Variants in UBR4 observed in about 807,000 individuals in gnomAD.
UBR4 encodes the protein E3 ubiquitin-protein ligase UBR4.
Under a neutral mutation model 575.6 loss-of-function variants are expected in UBR4, and 124 were observed. The ratio of observed to expected loss-of-function variants is 0.22; its 90% CI spans 0.19 to 0.25. The LOEUF (loss-of-function observed/expected upper bound fraction) is 0.25. Among genes scored for constraint, UBR4 ranks in the 10% least tolerant of loss-of-function variants. UBR4 has a pLI of 1.00. For synonymous variants in UBR4, 2,455 were observed against 2,473.7 expected, an observed-to-expected ratio of 0.99 and a Z score of 0.22; for missense variants, 4,818 against 6,478.8, an observed-to-expected ratio of 0.74 and a Z score of 8.80.
In UBR4 at chr1:19,074,871, T is replaced by C. The variant is rs1469433234; in HGVS notation, c.15513A>G (p.Pro5171=). The change falls in exon 106 of 106, where the codon CCA becomes CCG. Residue 5171 remains proline (P), a synonymous_variant. Transcript: ENST00000375254. ...TCAACAGGTCCTTCAGGAAGCTCTC[T>C]GGATCGGTGATTTCTGATAAAAGAC... ...VAGLLSEITD[P]ESFLKDLLNS... The C allele has an allele frequency of 1.2e-6, 2 of 1,613,972 alleles. No homozygotes were observed. The highest frequency in any genetic ancestry group is 1.7e-6 in the Non-Finnish European group (2 of 1,179,978).
chr1:19,192,384 G>A lies in UBR4; in HGVS notation c.1204-6C>T. The A allele has an allele frequency of 6.2e-7, 1 of 1,614,064 alleles. No individual in the cohort carries two copies. The highest frequency in any genetic ancestry group is 1.1e-5 in the South Asian group (1 of 91,082). On this transcript the variant is annotated splice_region_variant and splice_polypyrimidine_tract_variant and intron_variant, in intron 10 of 105. Coordinates refer to ENST00000375254, the MANE Select transcript of UBR4 (RefSeq NM_020765.3). The stretch of plus-strand genomic sequence containing the variant: ...AATTGGAAATTCTGATAGTGCTGTT[G>A]TGAAAGGCACAAAATAAAAAACATA...
intron 60 of UBR4, among the ~76,000 whole-genome samples, chr1:19,134,979 CTTT>C (rs1032064348): frequency 1.3e-5 from 2 of 151,860 alleles, no homozygotes; most frequent in Admixed American, 1.3e-4. Context: ...CCTTTTAATG[CTTT>C]TGTGTCCTAT....
At chr1:19,172,307 A>G (rs139163924) in intron 25 of UBR4, among the ~76,000 whole-genome samples, 2,728 of 152,234 alleles carry the variant, frequency 0.018, 82 homozygotes, top group African/African-American at 0.062. Flanking sequence ...ACCTGAGGTT[A>G]GGAATTCAAG....
intron 105 of UBR4, chr1:19,075,104 G>C: frequency 1.7e-6 from 1 of 598,550 alleles, no homozygotes; most frequent in Non-Finnish European, 3.0e-6. Flanking sequence ...AGCAGGCACT[G>C]CTGGAAGGTG....
chr1:19,136,036 T>C (rs2083165899), intron 60 of UBR4, among the ~76,000 whole-genome samples: 3 of 152,152 alleles, frequency 2.0e-5, no homozygotes, highest in African/African-American at 7.2e-5. Context: ...AATAACAGAA[T>C]ACCATTTTCA....
chr1:19,190,558 T>C (rs375230931), intron 11 of UBR4, among the ~76,000 whole-genome samples: 1 of 151,918 alleles, frequency 6.6e-6, no homozygotes. Flanking sequence ...GCATGGCCAA[T>C]ATTACGTTTT....
intron 74 of UBR4, 32 bp downstream of exon 74, chr1:19,115,366 A>G (rs1446170659): frequency 1.9e-6 from 3 of 1,606,546 alleles, no homozygotes; most frequent in Non-Finnish European, 2.6e-6. Flanking sequence ...GAATGTGCAC[A>G]GCCCTGGCCT....
intron 1 of UBR4, among the ~76,000 whole-genome samples, chr1:19,204,526 A>AT (rs1195394733): frequency 7.1e-6 from 1 of 141,160 alleles, no homozygotes; most frequent in Non-Finnish European, 1.6e-5. Flanking sequence ...AATGAAATAT[A>AT]TAAAAAAAAA....
chr1:19,093,323 T>C lies in UBR4; in HGVS notation c.14101A>G (p.Ser4701Gly), dbSNP rs540620843. ...GGGAGGGCTTCATACTTCTTGGCGC[T>C]AGGGATGTGCTTTTTCATGTAGTCA... ...ALDYMKKHIPSAKNLDADIWK... is the reference protein window; with the variant it reads ...ALDYMKKHIPGAKNLDADIWK... The change falls in exon 96 of 106, where the codon AGC becomes GGC. Residue 4701 changes from serine (S) to glycine (G), a missense_variant. Transcript: ENST00000375254. The surrounding 1 kb of genome is among the most constrained non-coding windows in gnomAD (Gnocchi z 4.8). The C allele has an allele frequency of 2.3e-4, 375 of 1,613,778 alleles. 3 individuals are homozygous for C. In the South Asian group the frequency reaches 3.8e-3, roughly 17 times the overall value.
At chr1:19,184,508 T>C (rs949837280) in intron 15 of UBR4, among the ~76,000 whole-genome samples, 1 of 152,234 alleles carries the variant, frequency 6.6e-6, no homozygotes, top group Non-Finnish European at 1.5e-5. Context: ...TACTGATATA[T>C]TCAATCCTGA....
intron 60 of UBR4, among the ~76,000 whole-genome samples, chr1:19,132,859 C>A (rs1210373409): frequency 6.6e-6 from 1 of 151,922 alleles, no homozygotes; most frequent in Non-Finnish European, 1.5e-5. Context: ...GTAAAACTGA[C>A]AACTTTAATA....
Position 19,150,460 on chromosome 1 carries a change from A to T in UBR4, c.7430+117T>A. The T allele has an allele frequency of 2.5e-6, 3 of 1,220,602 alleles. No individual in the cohort carries two copies. In the South Asian group the frequency reaches 4.2e-5, roughly 17 times the overall value. The allele number at this position is 1,220,602 out of a possible 1,614,324, so 75.6% of individuals were successfully genotyped here. On this transcript the variant is annotated intron_variant, in intron 49 of 105. Coordinates refer to ENST00000375254, the MANE Select transcript of UBR4 (RefSeq NM_020765.3). ...TGGGCGAGTTGTATGAAAACTTAAA[A>T]AAATTCCAGGCTAGCCTTGAGATGG...
rs368765367 is a variant in UBR4 at position 19,129,088 on chromosome 1, G to T, written c.8907-14C>A. On this transcript the variant is annotated splice_polypyrimidine_tract_variant and intron_variant, in intron 60 of 105. Coordinates refer to ENST00000375254, the MANE Select transcript of UBR4 (RefSeq NM_020765.3). ...ACCATGTGCAGCCTAAAAGGGTGGGGAAAAGATAGAAAATATGAGCTGTAC... is the reference window on the plus strand; with the variant it reads ...ACCATGTGCAGCCTAAAAGGGTGGGTAAAAGATAGAAAATATGAGCTGTAC... 1.2e-6 allele frequency: 2 copies of T among 1,609,226 alleles called. No individual in the cohort carries two copies. The highest frequency in any genetic ancestry group is 2.7e-5 in the African/African-American group (2 of 74,762).
At position 19,084,521 on chromosome 1, in the gene UBR4, C is replaced by G. The variant is rs1371086279; in HGVS notation, c.14991G>C (p.Val4997=). 6.2e-7 allele frequency: 1 copy of G among 1,612,894 alleles called. No homozygotes were observed. The highest frequency in any genetic ancestry group is 8.5e-7 in the Non-Finnish European group (1 of 1,179,320). ...IHLIPYIIHT[V]LYVLNTTRAT... ...GTACTGACGTGTTCAGGACGTAAAG[C>G]ACAGTGTGAATGATGTACGGGATCA... Residue 4997 remains valine (V), a synonymous_variant, in exon 102 of 106, where the codon GTG becomes GTC. Coordinates refer to ENST00000375254, the MANE Select transcript of UBR4 (RefSeq NM_020765.3).
rs1046333082 is a variant in UBR4, at chr1:19,106,798, C to T, written c.12235+39G>A. On this transcript the variant is annotated intron_variant, in intron 82 of 105. Transcript: ENST00000375254. ...GACAGAAGGCAGGGCTGTCAGAGCG[C>T]AGGCAGGACTTCCCGGCGTCTTGAA... is the stretch of plus-strand genomic sequence containing the variant. 3 of 1,606,446 alleles carry T rather than the reference C, an allele frequency of 1.9e-6. No homozygotes were observed. The African/African-American group carries it at 4.0e-5, about 21-fold the overall frequency.
In UBR4 at chr1:19,114,017, C is replaced by T. The variant is rs77418490; in HGVS notation, c.11256G>A (p.Gln3752=). The change falls in exon 76 of 106, where the codon CAG becomes CAA. Residue 3752 remains glutamine (Q), a synonymous_variant. Coordinates refer to ENST00000375254, the MANE Select transcript of UBR4 (RefSeq NM_020765.3). ...CCAGCTGTGGCCGGTGTCCCATCAGCTGATGATACACTCGATCAGCTTTGT... is the reference window on the plus strand; with the variant it reads ...CCAGCTGTGGCCGGTGTCCCATCAGTTGATGATACACTCGATCAGCTTTGT... The part of the protein sequence containing the change: ...LLDKADRVYH[Q]LMGHRPQLEN... 5.5e-3 allele frequency: 8,856 copies of T among 1,614,220 alleles called. 39 individuals are homozygous for T. The highest frequency in any genetic ancestry group is 6.4e-3 in the Non-Finnish European group (7,545 of 1,180,048).
chr1:19,168,166 C>A lies in UBR4; in HGVS notation c.3760G>T (p.Asp1254Tyr). ...IGSWRNAFAN[D>Y]TIPSESYISA... is the part of the protein sequence containing the mutation. ...ATATAACTCTCTGAAGGGATGGTGTCATTGGCAAAGGCATTGCGCTGAAAG... is the reference window on the plus strand; with the variant it reads ...ATATAACTCTCTGAAGGGATGGTGTAATTGGCAAAGGCATTGCGCTGAAAG... Residue 1254 changes from aspartate to tyrosine, a missense_variant, in exon 28 of 106, where the codon GAC (aspartate) becomes TAC (tyrosine). Asp to Tyr is a radical substitution (Grantham distance 160, BLOSUM62 -3). Transcript: ENST00000375254. 6.3e-7 allele frequency: 1 copy of A among 1,587,916 alleles called. No homozygotes were observed. Among genetic ancestry groups the A allele is most frequent in the South Asian group, 1.1e-5 (1 of 88,852 alleles).
At chr1:19,116,930 A>C (rs1340096128) in intron 73 of UBR4, among the ~76,000 whole-genome samples, 1 of 152,216 alleles carries the variant, frequency 6.6e-6, no homozygotes, top group Admixed American at 6.5e-5. Context: ...AATAGTTAAA[A>C]TGGGCATGAG....
chr1:19,148,532 A>T, intron 50 of UBR4, 31 bp downstream of exon 50: 1 of 1,614,132 alleles, frequency 6.2e-7, no homozygotes, highest in South Asian at 1.1e-5. Flanking sequence ...CTCTTCAGAA[A>T]GCTTCCATGT....
Sources: allele counts gnomAD v4.1 joint callset (sites outside exome capture counted in the v4.1 genomes callset), GRCh38; gene constraint gnomAD v4.1.1; non-coding constraint Gnocchi (gnomAD v3.1); transcripts MANE v1.5; gene names NCBI Gene and HGNC (gene_info 2026-07-23, HGNC 2026-07-21).